Variants in VPS13B observed in about 807,000 individuals in gnomAD.
VPS13B encodes vacuolar protein sorting 13 homolog B.
A neutral mutation model predicts 426.4 loss-of-function variants in VPS13B; 285 were observed. The ratio of observed to expected loss-of-function variants is 0.67; its 90% CI spans 0.61 to 0.74. The LOEUF (loss-of-function observed/expected upper bound fraction) is 0.74. VPS13B is among the 30% of genes least tolerant of loss of function. VPS13B has a pLI of 0.00. For synonymous variants in VPS13B, 1,676 were observed against 1,676.4 expected, an observed-to-expected ratio of 1.00 and a Z score of 0.01; for missense variants, 4,537 against 4,782.6, an observed-to-expected ratio of 0.95 and a Z score of 1.51.
chr8:99,560,561 C>G (rs1215964478), intron 31 of VPS13B, among the ~76,000 whole-genome samples: 2 of 152,164 alleles, frequency 1.3e-5, no homozygotes, highest in Non-Finnish European at 2.9e-5. Flanking sequence ...TAGTCCTTCA[C>G]TGACAAGTGA....
At chr8:99,289,013 A>G (rs1195518681) in intron 19 of VPS13B, among the ~76,000 whole-genome samples, 2 of 150,492 alleles carry the variant, frequency 1.3e-5, no homozygotes, top group Non-Finnish European at 3.0e-5. Flanking sequence ...CCTGGACAAC[A>G]TAGTGAGACC....
intron 33 of VPS13B, among the ~76,000 whole-genome samples, chr8:99,596,134 C>G (rs1015869860): frequency 6.6e-6 from 1 of 151,872 alleles, no homozygotes; most frequent in Non-Finnish European, 1.5e-5. Context: ...TTGAATAGAT[C>G]AGCATTTGAC....
At chr8:99,110,985 T>C (rs1235402741) in intron 5 of VPS13B, 113 bp from the exon 6 acceptor site, 2 of 802,368 alleles carry the variant, frequency 2.5e-6, no homozygotes, top group Non-Finnish European at 3.7e-6. Flanking sequence ...AAATGCTCCA[T>C]GAATCTTATT....
chr8:99,489,062 A>T (rs963907842), intron 25 of VPS13B, among the ~76,000 whole-genome samples: 1 of 152,136 alleles, frequency 6.6e-6, no homozygotes. Flanking sequence ...CTTTCTGTAT[A>T]AGGTTTAAGG....
chr8:99,320,291 A>G (rs1588247116), intron 19 of VPS13B, among the ~76,000 whole-genome samples: 2 of 152,244 alleles, frequency 1.3e-5, no homozygotes, highest in South Asian at 4.2e-4. Flanking sequence ...TTGTTTTGCT[A>G]ATGTCAGGAT....
At chr8:99,825,060 T>C (rs1814592911) in intron 51 of VPS13B, among the ~76,000 whole-genome samples, 1 of 152,212 alleles carries the variant, frequency 6.6e-6, no homozygotes, top group Non-Finnish European at 1.5e-5. Flanking sequence ...GTCTTTATAG[T>C]AGAATGATTT....
chr8:99,408,255 T>C (rs1174878519), intron 21 of VPS13B, among the ~76,000 whole-genome samples: 1 of 152,146 alleles, frequency 6.6e-6, no homozygotes, highest in Non-Finnish European at 1.5e-5. Context: ...GAGAATGCAC[T>C]GTAGGGAGAA....
intron 30 of VPS13B, among the ~76,000 whole-genome samples, chr8:99,526,212 G>GTGAC (rs2133683000): frequency 6.6e-6 from 1 of 152,190 alleles, no homozygotes; most frequent in South Asian, 2.1e-4. Flanking sequence ...AAATGGAAGT[G>GTGAC]TGACATTCAA....
intron 19 of VPS13B, among the ~76,000 whole-genome samples, chr8:99,379,746 C>T (rs1332212564): frequency 1.3e-5 from 2 of 152,038 alleles, no homozygotes; most frequent in Non-Finnish European, 2.9e-5. Flanking sequence ...TCGTGTAATT[C>T]ACTTTTCTTT....
At chr8:99,289,756 TA>T (rs1213113513) in intron 19 of VPS13B, among the ~76,000 whole-genome samples, 2 of 152,052 alleles carry the variant, frequency 1.3e-5, no homozygotes, top group African/African-American at 4.8e-5. Context: ...GAACAGGCAA[TA>T]TTAAAGTAAG....
At chr8:99,224,384 A>C (rs1815898535) in intron 17 of VPS13B, among the ~76,000 whole-genome samples, 1 of 152,152 alleles carries the variant, frequency 6.6e-6, no homozygotes, top group Admixed American at 6.5e-5. Flanking sequence ...CATATTTTCC[A>C]AGTTTAGTGA....
chr8:99,404,632 C>T (rs1471099671), intron 21 of VPS13B, among the ~76,000 whole-genome samples: 3 of 152,184 alleles, frequency 2.0e-5, no homozygotes, highest in Non-Finnish European at 4.4e-5. Context: ...ACATAAAGGT[C>T]ACTTTCTCTT....
intron 3 of VPS13B, among the ~76,000 whole-genome samples, chr8:99,072,806 T>C (rs1844916987): frequency 6.6e-6 from 1 of 152,210 alleles, no homozygotes; most frequent in African/African-American, 2.4e-5. Flanking sequence ...AGTTTCATTG[T>C]TGTGCATGTG....
At chr8:99,025,905 C>G (rs914684741) in intron 2 of VPS13B, among the ~76,000 whole-genome samples, 2 of 151,880 alleles carry the variant, frequency 1.3e-5, no homozygotes, top group African/African-American at 4.8e-5. Context: ...CTCTTTTTTT[C>G]TTAGTCTGTG....
intron 17 of VPS13B, among the ~76,000 whole-genome samples, chr8:99,241,841 A>G (rs572509411): frequency 3.0e-4 from 45 of 152,306 alleles, no homozygotes; most frequent in African/African-American, 1.1e-3. Flanking sequence ...TGCAAATGAG[A>G]TACTTTATGT....
intron 22 of VPS13B, among the ~76,000 whole-genome samples, chr8:99,435,372 A>T (rs892245997): frequency 2.4e-4 from 36 of 152,180 alleles, no homozygotes; most frequent in Non-Finnish European, 2.8e-4. Flanking sequence ...TATTGATATC[A>T]TTTTGAGTAG....
chr8:99,300,464 G>A (rs1820300364), intron 19 of VPS13B, among the ~76,000 whole-genome samples: 1 of 152,188 alleles, frequency 6.6e-6, no homozygotes, highest in African/African-American at 2.4e-5. Context: ...TATGTTGGGT[G>A]TGTTTTCTTT....
At chr8:99,187,130 A>T (rs1032212629) in intron 16 of VPS13B, among the ~76,000 whole-genome samples, 1 of 152,160 alleles carries the variant, frequency 6.6e-6, no homozygotes, top group Admixed American at 6.5e-5. Flanking sequence ...AGATAGATTA[A>T]TTGTACATTT....
At chr8:99,743,937 A>C (rs1809910571) in intron 39 of VPS13B, among the ~76,000 whole-genome samples, 1 of 151,556 alleles carries the variant, frequency 6.6e-6, no homozygotes, top group Non-Finnish European at 1.5e-5. Context: ...TGTCTAAAAC[A>C]CCAAAAGCAA....
Sources: gnomAD v4.1 joint callset for allele counts (sites outside exome capture counted in the v4.1 genomes callset) on GRCh38, gnomAD v4.1.1 for gene constraint, MANE v1.5 for transcripts, NCBI Gene and HGNC (gene_info 2026-07-23, HGNC 2026-07-21) for gene names.